The following CHIC2 variants were observed in gnomAD, a reference collection of about 807,000 sequenced individuals.
CHIC2 encodes the protein cysteine rich hydrophobic domain 2, also known as cysteine-rich hydrophobic domain-containing protein 2.
In CHIC2, 14 loss-of-function variants were observed where a neutral mutation model predicts 25.9. The observed-to-expected ratio is 0.54, with a 90% CI of 0.36 to 0.85. The LOEUF is 0.85. Among genes scored for constraint, CHIC2 ranks in the 40% least tolerant of loss-of-function variants. The pLI is 0.01. For synonymous variants in CHIC2, 70 were observed against 72.0 expected, an observed-to-expected ratio of 0.97 and a Z score of 0.14; for missense variants, 146 against 202.0, an observed-to-expected ratio of 0.72 and a Z score of 1.68.
At chr4:54,040,493 G>A (rs1716536667) in intron 3 of CHIC2, among the ~76,000 whole-genome samples, 1 of 152,040 alleles carries the variant, frequency 6.6e-6, no homozygotes, top group South Asian at 2.1e-4. Flanking sequence ...CTGAGGTCAG[G>A]AGTTCAAGAC....
chr4:54,087,059 G>A, the CHIC2 span: 16 of 1,128,264 alleles, frequency 1.4e-5, no homozygotes, highest in East Asian at 2.4e-5. Flanking sequence ...CTGGTCCACA[G>A]CAGAAAAATC....
At chr4:54,073,321 G>T in the CHIC2 span, among the ~76,000 whole-genome samples, 2 of 152,190 alleles carry the variant, frequency 1.3e-5, no homozygotes, top group Admixed American at 1.3e-4. Flanking sequence ...CAACTTGTGT[G>T]CAAGCCATTC....
intron 1 of CHIC2, among the ~76,000 whole-genome samples, chr4:54,049,568 T>TG (rs1560395263): frequency 6.6e-6 from 1 of 152,156 alleles, no homozygotes; most frequent in Admixed American, 6.6e-5. Flanking sequence ...AAAATATAAA[T>TG]GGTTCATTTA....
chr4:54,056,473 A>G (rs1717179963), intron 1 of CHIC2, among the ~76,000 whole-genome samples: 1 of 152,202 alleles, frequency 6.6e-6, no homozygotes, highest in East Asian at 1.9e-4. Flanking sequence ...AGTAACATTT[A>G]TAATTGAGCA....
At chr4:54,080,245 A>G in the CHIC2 span, among the ~76,000 whole-genome samples, 1 of 151,226 alleles carries the variant, frequency 6.6e-6, no homozygotes, top group Non-Finnish European at 1.5e-5. Context: ...AAATTCTACC[A>G]TTTGTGACAA....
At chr4:54,032,265 C>A in intron 3 of CHIC2, among the ~76,000 whole-genome samples, 1 of 111,304 alleles carries the variant, frequency 9.0e-6, no homozygotes, top group Non-Finnish European at 1.8e-5. Flanking sequence ...TCCTCTCCCT[C>A]CCCCTCCCCC....
chr4:54,068,322 C>G (rs1577994089), upstream of CHIC2, among the ~76,000 whole-genome samples: 2 of 152,202 alleles, frequency 1.3e-5, no homozygotes, highest in East Asian at 3.9e-4. Flanking sequence ...AGGCTGAGCC[C>G]TCATGAATGG....
chr4:54,036,487 G>A (rs150703978), intron 3 of CHIC2, among the ~76,000 whole-genome samples: 1,592 of 152,180 alleles, frequency 0.01, 13 homozygotes, highest in Non-Finnish European at 0.016. Flanking sequence ...GGTTGGGGGA[G>A]GTGCCACACA....
chr4:54,065,141 G>T (rs982460606), upstream of CHIC2, among the ~76,000 whole-genome samples: 4 of 152,008 alleles, frequency 2.6e-5, no homozygotes, highest in African/African-American at 9.7e-5. Flanking sequence ...AAACATTTGT[G>T]CTCACCACAG....
chr4:54,052,121 A>T (rs1717022131), intron 1 of CHIC2, among the ~76,000 whole-genome samples: 2 of 125,940 alleles, frequency 1.6e-5, no homozygotes, highest in African/African-American at 6.5e-5. Context: ...TCCCTGCCAA[A>T]ACCTTTTTTT....
chr4:54,059,938 A>C (rs1717281364), intron 1 of CHIC2: 1 of 152,222 alleles, frequency 6.6e-6, no homozygotes, highest in South Asian at 2.1e-4. Context: ...CAGAAAGCTT[A>C]ATCTTTAGAA....
chr4:54,081,994 A>G, the CHIC2 span, among the ~76,000 whole-genome samples: 6 of 152,222 alleles, frequency 3.9e-5, no homozygotes, highest in South Asian at 2.1e-4. Flanking sequence ...TAAGATAACT[A>G]TGTGTGCCAT....
At chr4:54,057,108 A>G (rs1717200688) in intron 1 of CHIC2, among the ~76,000 whole-genome samples, 1 of 152,188 alleles carries the variant, frequency 6.6e-6, no homozygotes, top group Admixed American at 6.5e-5. Context: ...AAACAAACAT[A>G]AGAACTGAGG....
At chr4:54,022,271 G>A (rs571159317) in intron 3 of CHIC2, among the ~76,000 whole-genome samples, 1 of 152,252 alleles carries the variant, frequency 6.6e-6, no homozygotes, top group South Asian at 2.1e-4. Context: ...TCAGCTTAGT[G>A]GCTGAAGACC....
At chr4:54,012,650 G>A (rs1715630257) in intron 5 of CHIC2, among the ~76,000 whole-genome samples, 1 of 151,862 alleles carries the variant, frequency 6.6e-6, no homozygotes, top group Admixed American at 6.6e-5. Context: ...CTCTATCTAA[G>A]ATGAAAATAC....
At chr4:54,033,182 G>A (rs1716286246) in intron 3 of CHIC2, among the ~76,000 whole-genome samples, 1 of 152,072 alleles carries the variant, frequency 6.6e-6, no homozygotes, top group African/African-American at 2.4e-5. Context: ...TCCAGTCTCA[G>A]GTATTTCCTT....
intron 3 of CHIC2, among the ~76,000 whole-genome samples, chr4:54,020,189 A>G (rs1715856102): frequency 1.3e-5 from 2 of 152,180 alleles, no homozygotes; most frequent in South Asian, 4.1e-4. Flanking sequence ...AAATAACCTT[A>G]ACTGATGATA....
chr4:54,076,183 G>A, the CHIC2 span, among the ~76,000 whole-genome samples: 1 of 152,096 alleles, frequency 6.6e-6, no homozygotes, highest in South Asian at 2.1e-4. Context: ...CAGTTATTTG[G>A]GGGGCTCAGG....
chr4:54,090,329 G>A, the CHIC2 span, among the ~76,000 whole-genome samples: 92 of 152,192 alleles, frequency 6.0e-4, no homozygotes, highest in African/African-American at 2.2e-3. Context: ...GCGGCTACAG[G>A]CGTGTACCAC....
Sources: allele counts gnomAD v4.1 joint callset (sites outside exome capture counted in the v4.1 genomes callset), GRCh38; gene constraint gnomAD v4.1.1; transcripts MANE v1.5; gene names NCBI Gene and HGNC (gene_info 2026-07-23, HGNC 2026-07-21).